The following POU2F3 variants were observed in gnomAD, a reference collection of about 807,000 sequenced individuals.
POU2F3 encodes POU class 2 homeobox 3.
In POU2F3, 23 loss-of-function variants were observed where a neutral mutation model predicts 59.2. The ratio of observed to expected loss-of-function variants is 0.39; its 90% confidence interval spans 0.28 to 0.55. POU2F3 has a LOEUF of 0.55. Among genes scored for constraint, POU2F3 ranks in the 20% least tolerant of loss-of-function variants. The pLI is 0.66. For synonymous variants in POU2F3, 190 were observed against 214.6 expected (o/e 0.89, Z 1.00); for missense variants, 473 against 544.5 (o/e 0.87, Z 1.31).
At chr11:120,284,963 T>C (rs1455450798) in intron 3 of POU2F3, among the ~76,000 whole-genome samples, 1 of 152,208 alleles carries the variant, frequency 6.6e-6, no homozygotes, top group African/African-American at 2.4e-5. Context: ...TCTTTCACCC[T>C]CAGCGGTGAA....
intron 2 of POU2F3, among the ~76,000 whole-genome samples, chr11:120,255,497 T>C (rs1409022412): frequency 6.6e-6 from 1 of 151,866 alleles, no homozygotes; most frequent in Non-Finnish European, 1.5e-5. Flanking sequence ...TCAAAGCCTG[T>C]TGGGGTGGGG....
intron 2 of POU2F3, among the ~76,000 whole-genome samples, chr11:120,258,263 G>T: frequency 6.6e-6 from 1 of 152,048 alleles, no homozygotes; most frequent in Non-Finnish European, 1.5e-5. Flanking sequence ...GAGCCCCTTG[G>T]ACTCTTACTA....
At chr11:120,279,946 C>T (rs1488003493) in intron 3 of POU2F3, among the ~76,000 whole-genome samples, 3 of 152,156 alleles carry the variant, frequency 2.0e-5, no homozygotes, top group South Asian at 2.1e-4. Flanking sequence ...TAGCGGAGAC[C>T]GAATGCTCGT....
At chr11:120,256,147 A>G (rs1939335982) in intron 2 of POU2F3, 1 of 152,088 alleles carries the variant, frequency 6.6e-6, no homozygotes, top group Non-Finnish European at 1.5e-5. Flanking sequence ...CACATCAGTT[A>G]GTATTTGTAA....
intron 1 of POU2F3, among the ~76,000 whole-genome samples, chr11:120,241,685 C>A (rs544920835): frequency 6.6e-6 from 1 of 152,278 alleles, no homozygotes; most frequent in South Asian, 2.1e-4. Context: ...TGAATGGGAG[C>A]AAGTCTCTTC....
In POU2F3 at chr11:120,246,519, T is replaced by A; in HGVS notation, c.97+2T>A. 6.2e-7 allele frequency: 1 copy of A among 1,613,216 alleles called. No homozygotes were observed. Among genetic ancestry groups the A allele is most frequent in the Non-Finnish European group, 8.5e-7 (1 of 1,179,836 alleles). On this transcript the variant is annotated splice_donor_variant, in intron 2 of 12. Transcript: ENST00000543440. LOFTEE classifies it high-confidence loss of function. Reference sequence around the variant, plus strand: ...GCACTCTCAGCCAGGTGGAGCCAGGTAAGGGTCTTCTCTTCTCGGGGATGG... The same window carrying A: ...GCACTCTCAGCCAGGTGGAGCCAGGAAAGGGTCTTCTCTTCTCGGGGATGG...
At chr11:120,298,609 C>T (rs1422351233) in intron 4 of POU2F3, among the ~76,000 whole-genome samples, 1 of 152,160 alleles carries the variant, frequency 6.6e-6, no homozygotes, top group East Asian at 1.9e-4. Context: ...ACAAAAAGGA[C>T]CCAGGCTTGC....
chr11:120,306,906 C>T (rs990473375), intron 8 of POU2F3, among the ~76,000 whole-genome samples: 3 of 152,206 alleles, frequency 2.0e-5, no homozygotes, highest in Non-Finnish European at 4.4e-5. Flanking sequence ...GTGACCATTC[C>T]TAGTCTCCAT....
In POU2F3 at chr11:120,246,465, G is replaced by A. The variant is rs1478111438; in HGVS notation, c.45G>A (p.Gly15=). Reference sequence around the variant, plus strand: ...TCCCTGCAGATATCAAGATGAGTGGGGATGTAGCCGATTCCACGGATGCTC... The same window carrying A: ...TCCCTGCAGATATCAAGATGAGTGGAGATGTAGCCGATTCCACGGATGCTC... ...ESMHTDIKMS[G]DVADSTDARS... is the part of the protein sequence containing the mutation. The change falls in exon 2 of 13, where the codon GGG becomes GGA. Residue 15 remains glycine, a synonymous_variant. Transcript: ENST00000543440. The A allele has an allele frequency of 6.2e-7, 1 of 1,613,814 alleles. No individual in the cohort carries two copies. Among genetic ancestry groups the A allele is most frequent in the Non-Finnish European group, 8.5e-7 (1 of 1,179,982 alleles).
chr11:120,258,916 T>C (rs937739979), intron 2 of POU2F3: 1 of 152,190 alleles, frequency 6.6e-6, no homozygotes, highest in Non-Finnish European at 1.5e-5. Flanking sequence ...GAGGGCCCCA[T>C]CTCAGACTGA....
intron 3 of POU2F3, among the ~76,000 whole-genome samples, chr11:120,292,286 C>T (rs1348629779): frequency 6.6e-6 from 1 of 152,064 alleles, no homozygotes; most frequent in African/African-American, 2.4e-5. Context: ...TGCTGGATGT[C>T]TTTTTTATCA....
At position 120,309,559 on chromosome 11, in the gene POU2F3, C is replaced by T. The variant is rs771108320; in HGVS notation, c.1041C>T (p.Ile347=). The change falls in exon 10 of 13, where the codon ATC becomes ATT. Residue 347 remains isoleucine, a synonymous_variant. Coordinates refer to ENST00000543440, the MANE Select transcript of POU2F3 (RefSeq NM_014352.4). The part of the protein sequence containing the change: ...KRINCPVATP[I]KPPVYNSRLV... ...TCAACTGCCCTGTGGCCACACCCAT[C>T]AAACCACCTGTCTACAACTCCCGGC... The T allele has an allele frequency of 3.7e-6, 6 of 1,614,070 alleles. No individual in the cohort carries two copies. Among genetic ancestry groups the T allele is most frequent in the Non-Finnish European group, 5.1e-6 (6 of 1,179,950 alleles).
upstream of POU2F3, among the ~76,000 whole-genome samples, chr11:120,237,644 C>T (rs1294319470): frequency 6.6e-6 from 1 of 152,178 alleles, no homozygotes; most frequent in Non-Finnish European, 1.5e-5. Flanking sequence ...ACCCTCGGTG[C>T]ACATGGCCAT....
At chr11:120,310,578 G>C (rs187610874) in intron 10 of POU2F3, among the ~76,000 whole-genome samples, 1 of 152,206 alleles carries the variant, frequency 6.6e-6, no homozygotes, top group African/African-American at 2.4e-5. Context: ...TCCATGCAGG[G>C]AGAAATGGTA....
In POU2F3 at chr11:120,299,644, G is replaced by A. The variant is rs778742308; in HGVS notation, c.279G>A (p.Pro93=). The change falls in exon 5 of 13, where the codon CCG becomes CCA. Residue 93 remains proline (P), a synonymous_variant. Transcript: ENST00000543440. The part of the protein sequence containing the change: ...SPCQDMASLH[P]LQQLVLVPGH... ...TGTAGGACATGGCTTCCCTCCATCC[G>A]CTCCAGCAGCTTGTGCTGGTTCCCG... The A allele has an allele frequency of 3.9e-5, 63 of 1,613,526 alleles. No individual in the cohort carries two copies. The highest frequency in any genetic ancestry group is 5.0e-5 in the Admixed American group (3 of 59,960).
At chr11:120,269,971 G>A (rs776695109) in intron 3 of POU2F3, among the ~76,000 whole-genome samples, 3 of 152,066 alleles carry the variant, frequency 2.0e-5, no homozygotes, top group Non-Finnish European at 2.9e-5. Context: ...CAGATGGCGG[G>A]AGTGGGAGAG....
At chr11:120,251,342 T>A (rs910055532) in intron 2 of POU2F3, among the ~76,000 whole-genome samples, 1 of 152,158 alleles carries the variant, frequency 6.6e-6, no homozygotes, top group Admixed American at 6.5e-5. Flanking sequence ...GCACACACAC[T>A]CTCCCTCCCT....
chr11:120,242,676 A>T (rs1032709635), intron 1 of POU2F3, among the ~76,000 whole-genome samples: 1 of 152,188 alleles, frequency 6.6e-6, no homozygotes, highest in African/African-American at 2.4e-5. Flanking sequence ...CTCCACTCGC[A>T]CTGAGGCCAG....
intron 2 of POU2F3, among the ~76,000 whole-genome samples, chr11:120,268,819 C>T (rs1388542148): frequency 6.6e-6 from 1 of 152,156 alleles, no homozygotes; most frequent in African/African-American, 2.4e-5. Flanking sequence ...CTTTGGGATC[C>T]ATGCTGGTCT....
Sources: allele counts gnomAD v4.1 joint callset (sites outside exome capture counted in the v4.1 genomes callset), GRCh38; gene constraint gnomAD v4.1.1; transcripts MANE v1.5; gene names NCBI Gene and HGNC (gene_info 2026-07-23, HGNC 2026-07-21).